KCNQ3: variants seen among roughly 807,000 people sequenced by gnomAD.
The protein encoded by KCNQ3 is potassium voltage-gated channel subfamily KQT member 3.
KCNQ3 carries 30 observed loss-of-function variants against 92.5 expected under a neutral mutation model. The observed-to-expected ratio is 0.32, with a 90% CI of 0.24 to 0.44. The LOEUF (loss-of-function observed/expected upper bound fraction) is 0.44, where lower values mean the gene tolerates loss of function less well. KCNQ3 is among the 20% of genes least tolerant of loss of function. The probability of loss-of-function intolerance (pLI) is 1.00; values close to 1 mark genes in which losing one functional copy is unlikely to be tolerated. For synonymous variants in KCNQ3, 450 were observed against 468.8 expected, an observed-to-expected ratio of 0.96 and a Z score of 0.52; for missense variants, 913 against 1,140.3, an observed-to-expected ratio of 0.80 and a Z score of 2.87.
At chr8:132,271,391 CT>C (rs1816143142) in intron 1 of KCNQ3, among the ~76,000 whole-genome samples, 4 of 152,200 alleles carry the variant, frequency 2.6e-5, no homozygotes, top group African/African-American at 9.6e-5. Flanking sequence ...AAAAGATGGG[CT>C]TCTTCTATGA....
intron 1 of KCNQ3, among the ~76,000 whole-genome samples, chr8:132,324,421 G>A (rs983363460): frequency 1.3e-5 from 2 of 152,162 alleles, no homozygotes; most frequent in African/African-American, 4.8e-5. Context: ...ATTAAGTGAA[G>A]AAATGTGTGA....
At chr8:132,182,882 GCACACA>G (rs3993055) in intron 3 of KCNQ3, among the ~76,000 whole-genome samples, 49 of 146,088 alleles carry the variant, frequency 3.4e-4, no homozygotes, top group African/African-American at 4.0e-4. Context: ...CTCCAATATC[GCACACA>G]CACACACACA....
intron 1 of KCNQ3, among the ~76,000 whole-genome samples, chr8:132,252,453 G>A (rs916297600): frequency 3.9e-5 from 6 of 152,168 alleles, no homozygotes; most frequent in Non-Finnish European, 8.8e-5. Flanking sequence ...GACAGAAGCT[G>A]CAGACCCTCG....
chr8:132,365,336 G>C (rs556685971), intron 1 of KCNQ3, among the ~76,000 whole-genome samples: 2 of 152,324 alleles, frequency 1.3e-5, no homozygotes, highest in South Asian at 4.1e-4. Flanking sequence ...GCCTTATGTG[G>C]GTGAACTAAT....
At chr8:132,403,014 C>CAAA (rs1214559891) in intron 1 of KCNQ3, among the ~76,000 whole-genome samples, 5 of 2,422 alleles carry the variant, frequency 2.1e-3, no homozygotes, top group Admixed American at 5.7e-3. Flanking sequence ...GAGGCACCAT[C>CAAA]ACAAAAAAAA....
At chr8:132,406,873 G>C (rs1820498100) in intron 1 of KCNQ3, among the ~76,000 whole-genome samples, 1 of 152,158 alleles carries the variant, frequency 6.6e-6, no homozygotes, top group South Asian at 2.1e-4. Flanking sequence ...GTGTACAATG[G>C]AAGAAAGGGG....
chr8:132,421,369 G>A (rs1482947549), intron 1 of KCNQ3, among the ~76,000 whole-genome samples: 5 of 152,194 alleles, frequency 3.3e-5, no homozygotes, highest in South Asian at 2.1e-4. Flanking sequence ...AGAAGCCAAC[G>A]CTGGGAAATG....
intron 1 of KCNQ3, among the ~76,000 whole-genome samples, chr8:132,269,453 C>T (rs917757170): frequency 6.6e-6 from 1 of 152,102 alleles, no homozygotes. Flanking sequence ...GTTTCAGCAC[C>T]ATTTGTTGAA....
At chr8:132,403,225 A>T (rs1486867810) in intron 1 of KCNQ3, among the ~76,000 whole-genome samples, 2 of 96,014 alleles carry the variant, frequency 2.1e-5, no homozygotes, top group Non-Finnish European at 4.1e-5. Context: ...CAAGGCAAGA[A>T]AACGCCCAAA....
intron 9 of KCNQ3, among the ~76,000 whole-genome samples, chr8:132,141,546 T>A (rs746428976): frequency 6.6e-6 from 1 of 152,138 alleles, no homozygotes; most frequent in Non-Finnish European, 1.5e-5. Flanking sequence ...GGGCAAGACT[T>A]CTCTGAATGT....
chr8:132,309,741 C>A (rs1261670195), intron 1 of KCNQ3, among the ~76,000 whole-genome samples: 2 of 152,190 alleles, frequency 1.3e-5, no homozygotes, highest in African/African-American at 4.8e-5. Flanking sequence ...AAAGACAGGA[C>A]AAATCCCCAT....
intron 1 of KCNQ3, among the ~76,000 whole-genome samples, chr8:132,411,724 G>T (rs1820657198): frequency 6.6e-6 from 1 of 152,146 alleles, no homozygotes; most frequent in Non-Finnish European, 1.5e-5. Flanking sequence ...CTAGAAGCTG[G>T]TCTGGGACTG....
At chr8:132,425,442 G>A (rs1821084515) in intron 1 of KCNQ3, among the ~76,000 whole-genome samples, 1 of 152,168 alleles carries the variant, frequency 6.6e-6, no homozygotes, top group African/African-American at 2.4e-5. Context: ...AGAGGATCTT[G>A]TGAGATAAAG....
chr8:132,459,309 G>C (rs967259549), intron 1 of KCNQ3, among the ~76,000 whole-genome samples: 1 of 152,172 alleles, frequency 6.6e-6, no homozygotes, highest in East Asian at 1.9e-4. Flanking sequence ...CTAAGGCTGG[G>C]TAACTTATAA....
intron 1 of KCNQ3, among the ~76,000 whole-genome samples, chr8:132,465,129 C>T (rs564218947): frequency 1.3e-5 from 2 of 152,326 alleles, no homozygotes; most frequent in South Asian, 4.1e-4. Context: ...ACCAGAACTC[C>T]AGCACAGGGC....
At chr8:132,231,135 G>T (rs1160602872) in intron 1 of KCNQ3, among the ~76,000 whole-genome samples, 1 of 152,222 alleles carries the variant, frequency 6.6e-6, no homozygotes, top group Non-Finnish European at 1.5e-5. Context: ...CCAGAAAACA[G>T]CAGAAGCTGG....
At chr8:132,335,738 C>G (rs1254311805) in intron 1 of KCNQ3, among the ~76,000 whole-genome samples, 1 of 152,176 alleles carries the variant, frequency 6.6e-6, no homozygotes, top group African/African-American at 2.4e-5. Context: ...TTCAGAAAAG[C>G]CTGTATCAGG....
At chr8:132,302,139 C>T (rs1208538616) in intron 1 of KCNQ3, among the ~76,000 whole-genome samples, 1 of 152,108 alleles carries the variant, frequency 6.6e-6, no homozygotes, top group Non-Finnish European at 1.5e-5. Context: ...CGAGGATGGG[C>T]TAGTCCACAA....
chr8:132,309,823 C>T (rs567630546), intron 1 of KCNQ3, among the ~76,000 whole-genome samples: 1 of 152,212 alleles, frequency 6.6e-6, no homozygotes, highest in Non-Finnish European at 1.5e-5. Context: ...TCAGAGAGAA[C>T]TCTGAGCTGT....
Sources: gnomAD v4.1 joint callset for allele counts (sites outside exome capture counted in the v4.1 genomes callset) on GRCh38, gnomAD v4.1.1 for gene constraint, MANE v1.5 for transcripts, NCBI Gene and HGNC (gene_info 2026-07-23, HGNC 2026-07-21) for gene names.